Variants in MAMDC2 observed in about 807,000 individuals in gnomAD.
MAMDC2 encodes MAM domain-containing protein 2.
MAMDC2 carries 57 observed loss-of-function variants against 89.8 expected under a neutral mutation model. The ratio of observed to expected loss-of-function variants is 0.63; its 90% CI spans 0.51 to 0.79. The LOEUF is 0.79. Among genes scored for constraint, MAMDC2 ranks in the 30% least tolerant of loss-of-function variants. The pLI, the probability that MAMDC2 is intolerant of heterozygous loss-of-function variation, is 0.00. For synonymous variants in MAMDC2, 313 were observed against 293.4 expected (o/e 1.07, Z -0.68); for missense variants, 800 against 820.6 (o/e 0.97, Z 0.31).
rs151265430 is a variant in MAMDC2, at chr9:70,114,463, T to C, written c.643+1331T>C. Among the ~76,000 whole-genome samples the C allele has an allele frequency of 5.3e-3, 804 of 152,058 alleles. 7 individuals carry two copies. Among genetic ancestry groups the C allele is most frequent in the African/African-American group, 0.018 (751 of 41,446 alleles). ...TGGTGAATATTTTCTAAAATCACAG[T>C]GTGGGCCAATAAAACACACTTGCCG... On this transcript the variant is annotated intron_variant, in intron 5 of 13. Coordinates refer to ENST00000377182, the MANE Select transcript of MAMDC2 (RefSeq NM_153267.5).
At chr9:70,156,768 C>G (rs1221753111) in intron 9 of MAMDC2, among the ~76,000 whole-genome samples, 1 of 152,212 alleles carries the variant, frequency 6.6e-6, no homozygotes, top group Non-Finnish European at 1.5e-5. Flanking sequence ...TTTGTGAGTT[C>G]ATGAATTCTA....
chr9:70,109,535 A>G (rs1008573466), intron 3 of MAMDC2, among the ~76,000 whole-genome samples, 185 bp from the exon 4 acceptor site: 1 of 152,240 alleles, frequency 6.6e-6, no homozygotes, highest in East Asian at 1.9e-4. Flanking sequence ...GCACACACAT[A>G]TATACACACA....
chr9:70,223,338 G>C (rs2033599266), intron 12 of MAMDC2, among the ~76,000 whole-genome samples: 1 of 152,028 alleles, frequency 6.6e-6, no homozygotes, highest in Non-Finnish European at 1.5e-5. Context: ...TAAAAATTAA[G>C]ATTTTATCTA....
chr9:70,063,536 A>G (rs1827196614), intron 2 of MAMDC2, among the ~76,000 whole-genome samples: 1 of 152,208 alleles, frequency 6.6e-6, no homozygotes, highest in Non-Finnish European at 1.5e-5. Context: ...TAAAAGAAAA[A>G]TATAAGAACG....
chr9:70,195,559 A>T (rs761588569), intron 11 of MAMDC2, among the ~76,000 whole-genome samples: 1 of 152,134 alleles, frequency 6.6e-6, no homozygotes, highest in Non-Finnish European at 1.5e-5. Flanking sequence ...TGCAGTTCTG[A>T]GTAGTGTTAT....
rs189095761 is a variant in MAMDC2, at chr9:70,208,725, A to C, written c.1652-9612A>C. ...CTGTCTTGTGCCAGTTTTCAAAGGGAATGCTTCCAGTTTTTGTCCATTCAG... is the reference window on the plus strand; with the variant it reads ...CTGTCTTGTGCCAGTTTTCAAAGGGCATGCTTCCAGTTTTTGTCCATTCAG... On this transcript the variant is annotated intron_variant, in intron 11 of 13. Transcript: ENST00000377182. 2.1e-3 allele frequency among the ~76,000 whole-genome samples: 295 copies of C among 143,044 alleles called. 1 individual carries two copies. Among genetic ancestry groups the C allele is most frequent in the Admixed American group, 7.1e-3 (97 of 13,616 alleles). 93.8% of individuals were successfully genotyped at this position (143,044 alleles called of 152,430 possible).
At chr9:70,191,587 C>A (rs946965619) in intron 11 of MAMDC2, among the ~76,000 whole-genome samples, 9 of 151,950 alleles carry the variant, frequency 5.9e-5, no homozygotes, top group Non-Finnish European at 1.2e-4. Context: ...TGGTATTTCC[C>A]ACTAGAGAGA....
chr9:70,056,396 C>T (rs1827025345), intron 2 of MAMDC2, among the ~76,000 whole-genome samples: 1 of 152,218 alleles, frequency 6.6e-6, no homozygotes, highest in African/African-American at 2.4e-5. Context: ...CAACAGCCAT[C>T]TGAAATCCCA....
At chr9:70,107,353 A>AGAGGAAAAGGAAAGGAG (rs1346146489) in intron 2 of MAMDC2, among the ~76,000 whole-genome samples, 59 of 152,150 alleles carry the variant, frequency 3.9e-4, no homozygotes, top group Non-Finnish European at 4.0e-4. Flanking sequence ...GAGAATGAAC[A>AGAGGAAAAGGAAAGGAG]GAGGAAAAGG....
intron 2 of MAMDC2, among the ~76,000 whole-genome samples, chr9:70,100,700 G>C (rs1012851369): frequency 6.6e-6 from 1 of 152,148 alleles, no homozygotes; most frequent in South Asian, 2.1e-4. Flanking sequence ...GCTTAGCATG[G>C]CTAGCCAGGA....
intron 11 of MAMDC2, among the ~76,000 whole-genome samples, chr9:70,214,879 T>G (rs1225288236): frequency 6.6e-6 from 1 of 152,188 alleles, no homozygotes; most frequent in Non-Finnish European, 1.5e-5. Flanking sequence ...TTAGTCTACT[T>G]CAGGCTGTCA....
chr9:70,219,718 AAAG>A (rs1238314092), intron 12 of MAMDC2, among the ~76,000 whole-genome samples: 1 of 152,224 alleles, frequency 6.6e-6, no homozygotes, highest in Non-Finnish European at 1.5e-5. Context: ...GACATTTGGC[AAAG>A]AATAACAGGT....
intron 4 of MAMDC2, among the ~76,000 whole-genome samples, chr9:70,111,287 TG>T (rs1828505263): frequency 6.6e-6 from 1 of 152,230 alleles, no homozygotes; most frequent in Admixed American, 6.5e-5. Context: ...TGAAAATAAT[TG>T]GTATATACAG....
At chr9:70,091,550 TC>T (rs1338771081) in intron 2 of MAMDC2, among the ~76,000 whole-genome samples, 1 of 152,206 alleles carries the variant, frequency 6.6e-6, no homozygotes, top group Non-Finnish European at 1.5e-5. Flanking sequence ...TATAAGTATG[TC>T]CCCAGTGATA....
At chr9:70,120,898 CAT>C (rs2030254990) in intron 5 of MAMDC2, among the ~76,000 whole-genome samples, 1 of 152,168 alleles carries the variant, frequency 6.6e-6, no homozygotes, top group Non-Finnish European at 1.5e-5. Flanking sequence ...CATCATAACT[CAT>C]TATCTTTGGG....
At chr9:70,138,181 T>C (rs1224598001) in intron 7 of MAMDC2, among the ~76,000 whole-genome samples, 2 of 152,162 alleles carry the variant, frequency 1.3e-5, no homozygotes, top group East Asian at 3.9e-4. Context: ...GTCTGACTTG[T>C]TTCACCTAAG....
chr9:70,152,857 C>T (rs192086859), intron 9 of MAMDC2, among the ~76,000 whole-genome samples: 9 of 152,178 alleles, frequency 5.9e-5, no homozygotes, highest in Admixed American at 2.6e-4. Flanking sequence ...AAAGGCAATG[C>T]ATCATATAAA....
At chr9:70,061,840 A>T (rs1587434975) in intron 2 of MAMDC2, among the ~76,000 whole-genome samples, 1 of 152,284 alleles carries the variant, frequency 6.6e-6, no homozygotes, top group East Asian at 1.9e-4. Context: ...GGCTCTCGTG[A>T]GCTAAACATG....
chr9:70,142,639 G>A (rs1263271171), intron 8 of MAMDC2, among the ~76,000 whole-genome samples: 3 of 152,084 alleles, frequency 2.0e-5, no homozygotes, highest in Non-Finnish European at 4.4e-5. Flanking sequence ...TTCTGGTGAG[G>A]GGTCTTTTCC....
Sources: gnomAD v4.1 joint callset for allele counts (sites outside exome capture counted in the v4.1 genomes callset) on GRCh38, gnomAD v4.1.1 for gene constraint, MANE v1.5 for transcripts, NCBI Gene and HGNC (gene_info 2026-07-23, HGNC 2026-07-21) for gene names.